The following IL13RA1 variants were observed in gnomAD, a reference collection of about 807,000 sequenced individuals.
IL13RA1 encodes interleukin-13 receptor subunit alpha-1.
Under a neutral mutation model 33.8 loss-of-function variants are expected in IL13RA1, and 14 were observed. The observed-to-expected ratio is 0.41, with a 90% CI of 0.27 to 0.65. The LOEUF (loss-of-function observed/expected upper bound fraction) is 0.65, where lower values mean the gene tolerates loss of function less well. Ranked by LOEUF, IL13RA1 falls within the 30% of genes least tolerant of loss-of-function variation. The pLI is 0.28. For missense variants in IL13RA1, 313 were observed against 327.0 expected, an observed-to-expected ratio of 0.96 and a Z score of 0.33; for synonymous variants, 116 against 115.7, an observed-to-expected ratio of 1.00 and a Z score of -0.02.
At chrX:118,738,781 CTTTTTTTTTT>C (rs144796443) in intron 1 of IL13RA1, among the ~76,000 whole-genome samples, 2 of 60,229 alleles carry the variant, frequency 3.3e-5, no homozygotes, top group Non-Finnish European at 5.9e-5. Context: ...ATTTTAAGTC[CTTTTTTTTTT>C]TTTTTTTTTT....
intron 2 of IL13RA1, among the ~76,000 whole-genome samples, chrX:118,746,382 T>C (rs987496059): frequency 2.1e-4 from 24 of 111,820 alleles, no homozygotes; most frequent in African/African-American, 7.8e-4. Flanking sequence ...CCCAAAGTGC[T>C]GGGATTATAG....
intron 8 of IL13RA1, chrX:118,770,950 C>T (rs2147390295): frequency 4.2e-6 from 1 of 237,362 alleles, no homozygotes; most frequent in East Asian, 1.2e-4. Context: ...CATCCTATTC[C>T]AACCTCTCCT....
At chrX:118,778,879 T>G (rs995742880) in intron 10 of IL13RA1, among the ~76,000 whole-genome samples, 1 of 111,769 alleles carries the variant, frequency 8.9e-6, no homozygotes, top group African/African-American at 3.3e-5. Flanking sequence ...GGAGCCCCAA[T>G]GAGGTTAAGC....
At chrX:118,745,854 G>C (rs772599242) in intron 2 of IL13RA1, among the ~76,000 whole-genome samples, 10 of 111,622 alleles carry the variant, frequency 9.0e-5, no homozygotes, top group African/African-American at 3.3e-4. Context: ...ATTTCCCGGA[G>C]AGCCCATTAA....
chrX:118,761,415 C>G, intron 6 of IL13RA1, 126 bp downstream of exon 6: 1 of 373,314 alleles, frequency 2.7e-6, no homozygotes, highest in African/African-American at 2.6e-5. Context: ...AATGAAACTT[C>G]TTGTCTAAAA....
Position 118,758,109 on chromosome X carries a change from A to G in IL13RA1, c.543A>G (p.Gln181=), listed in dbSNP as rs775377792. 4.8e-5 allele frequency: 56 copies of G among 1,167,913 alleles called. No individual in the cohort carries two copies. The East Asian group carries it at 1.4e-3, about 29-fold the overall frequency. ...GTGAAAACATCTTTAGAGAAGGCCA[A>G]TACTTTGGTTGTTCCTTTGATCTGA... is the stretch of plus-strand genomic sequence containing the variant. ...HQCENIFREG[Q]YFGCSFDLTK... The change falls in exon 5 of 11, where the codon CAA becomes CAG. Residue 181 remains glutamine (Q), a synonymous_variant. Coordinates refer to ENST00000371666, the MANE Select transcript of IL13RA1 (RefSeq NM_001560.3).
intron 1 of IL13RA1, among the ~76,000 whole-genome samples, chrX:118,737,618 A>G (rs2017296540): frequency 1.8e-5 from 2 of 112,483 alleles, no homozygotes; most frequent in Admixed American, 1.9e-4. Context: ...AGATCTGACC[A>G]AAGGACACTT....
chrX:118,734,448 A>C (rs2017258824), intron 1 of IL13RA1, among the ~76,000 whole-genome samples: 1 of 112,107 alleles, frequency 8.9e-6, no homozygotes, highest in African/African-American at 3.2e-5. Context: ...ATTAAGGGTG[A>C]TGTTTACTGT....
At chrX:118,804,757 A>G in the IL13RA1 span, among the ~76,000 whole-genome samples, 1 of 112,156 alleles carries the variant, frequency 8.9e-6, no homozygotes, top group Non-Finnish European at 1.9e-5. Context: ...GCAGTTTTCT[A>G]TAAGTTGCTG....
chrX:118,799,154 C>T (rs2018049865), downstream of IL13RA1, among the ~76,000 whole-genome samples: 1 of 113,350 alleles, frequency 8.8e-6, no homozygotes, highest in African/African-American at 3.2e-5. Context: ...CCCACCGGCG[C>T]TGTGCTCGAT....
At chrX:118,777,523 A>G (rs1047391628) in intron 10 of IL13RA1, among the ~76,000 whole-genome samples, 2 of 112,010 alleles carry the variant, frequency 1.8e-5, no homozygotes, top group African/African-American at 6.5e-5. Flanking sequence ...GGCCTCCTTT[A>G]TGAAGCTAGC....
intron 4 of IL13RA1, among the ~76,000 whole-genome samples, chrX:118,755,510 A>G (rs1283115560): frequency 4.5e-5 from 5 of 111,665 alleles, no homozygotes; most frequent in Middle Eastern, 4.6e-3. Context: ...TTTAACAGGA[A>G]TCACCTGCTG....
intron 1 of IL13RA1, among the ~76,000 whole-genome samples, chrX:118,733,327 A>G (rs113005209): frequency 0.031 from 3,501 of 111,886 alleles, 86 homozygotes; most frequent in African/African-American, 0.071. Flanking sequence ...GATAGTAGCC[A>G]TTCTAATGGG....
intron 8 of IL13RA1, among the ~76,000 whole-genome samples, chrX:118,772,701 A>G (rs1273268899): frequency 7.1e-5 from 8 of 112,211 alleles, no homozygotes; most frequent in African/African-American, 1.6e-4. Context: ...TATTATAGCT[A>G]TTTTCCAGTT....
intron 4 of IL13RA1, among the ~76,000 whole-genome samples, chrX:118,751,728 A>G (rs1450974175): frequency 2.7e-5 from 3 of 110,386 alleles, no homozygotes; most frequent in African/African-American, 9.9e-5. Flanking sequence ...CCTGACTGTC[A>G]TTTGTTAAGA....
intron 2 of IL13RA1, among the ~76,000 whole-genome samples, chrX:118,744,129 G>A (rs3121673): frequency 0.17 from 18,702 of 109,681 alleles, 1,487 homozygotes; most frequent in East Asian, 0.41. Context: ...CTGGGCAACA[G>A]AGCAAGACTG....
chrX:118,728,016 G>A (rs1376264344), intron 1 of IL13RA1, among the ~76,000 whole-genome samples: 1 of 111,720 alleles, frequency 9.0e-6, no homozygotes, highest in Non-Finnish European at 1.9e-5. Flanking sequence ...ACTTGTAGTG[G>A]GAAGAGCCCA....
At chrX:118,772,596 T>A (rs760636501) in intron 8 of IL13RA1, among the ~76,000 whole-genome samples, 4 of 110,844 alleles carry the variant, frequency 3.6e-5, no homozygotes, top group South Asian at 3.7e-4. Context: ...AAAAGAACTT[T>A]AAAAAAAAAC....
rs976073659 is a variant in IL13RA1 at position 118,771,918 on chromosome X, A to G, written c.1010-1961A>G. The stretch of plus-strand genomic sequence containing the variant: ...AACCCGGGAGGCGGAGGTTGCATTG[A>G]GTCGAGATCGTGCCACTGCACTCCA... On this transcript the variant is annotated intron_variant, in intron 8 of 10. Transcript: ENST00000371666. Among the ~76,000 whole-genome samples, 4 of 111,752 alleles carry G rather than the reference A, an allele frequency of 3.6e-5. No homozygotes were observed. In the Admixed American group the frequency reaches 3.8e-4, roughly 11 times the overall value.
Sources: allele counts gnomAD v4.1 joint callset (sites outside exome capture counted in the v4.1 genomes callset), GRCh38; gene constraint gnomAD v4.1.1; transcripts MANE v1.5; gene names NCBI Gene and HGNC (gene_info 2026-07-23, HGNC 2026-07-21).